The following ZFHX3 variants were observed in gnomAD, a reference collection of about 807,000 sequenced individuals.
The protein encoded by ZFHX3 is zinc finger homeobox 3.
ZFHX3 carries 42 observed loss-of-function variants against 279.1 expected under a neutral mutation model. The ratio of observed to expected loss-of-function variants is 0.15; its 90% CI spans 0.12 to 0.19. ZFHX3 has a LOEUF of 0.19. ZFHX3 is among the 10% of genes least tolerant of loss of function. The pLI is 1.00. For missense variants in ZFHX3, 4,981 were observed against 4,754.0 expected, an observed-to-expected ratio of 1.05 and a Z score of -1.40; for synonymous variants, 2,293 against 1,957.8, an observed-to-expected ratio of 1.17 and a Z score of -4.52.
intron 3 of ZFHX3, among the ~76,000 whole-genome samples, chr16:73,347,859 A>G (rs990955537): frequency 1.3e-5 from 2 of 152,244 alleles, no homozygotes; most frequent in Non-Finnish European, 2.9e-5. Context: ...TATAAAACTC[A>G]TAAGCCTTTG....
intron 4 of ZFHX3, among the ~76,000 whole-genome samples, chr16:72,887,219 G>C (rs1268276118): frequency 3.9e-5 from 6 of 152,154 alleles, no homozygotes; most frequent in African/African-American, 1.2e-4. Flanking sequence ...GAGGGGCTTA[G>C]GAGGGACGCC....
chr16:72,876,341 C>T (rs532419288), intron 4 of ZFHX3, among the ~76,000 whole-genome samples: 13 of 152,262 alleles, frequency 8.5e-5, no homozygotes, highest in African/African-American at 3.1e-4. Context: ...GTCAGAGCTT[C>T]TTCTCATTCA....
chr16:73,087,793 G>T (rs1966025709), intron 8 of ZFHX3, among the ~76,000 whole-genome samples: 1 of 151,974 alleles, frequency 6.6e-6, no homozygotes, highest in East Asian at 1.9e-4. Context: ...AAGGGACAAA[G>T]AAGTTTACAA....
At chr16:72,943,763 G>A (rs1340705953) in intron 3 of ZFHX3, among the ~76,000 whole-genome samples, 2 of 152,138 alleles carry the variant, frequency 1.3e-5, no homozygotes, top group African/African-American at 4.8e-5. Flanking sequence ...TGCATCTACT[G>A]GCATTAGGTC....
chr16:73,611,720 T>C (rs76727065), intron 2 of ZFHX3, among the ~76,000 whole-genome samples: 2,867 of 152,316 alleles, frequency 0.019, 45 homozygotes, highest in Non-Finnish European at 0.031. Flanking sequence ...CATTCTAATA[T>C]TGTATTTTGT....
At position 72,795,717 on chromosome 16, in the gene ZFHX3, C is replaced by T. The variant is rs745878919; in HGVS notation, c.6965G>A (p.Arg2322Gln). ...GCACTGGTAGTTCAAGTTGCTTGTT[C>T]GAATGTATCTATCATTTGTAAGCTC... ...RRELTNDRYIRTSNLNYQCKK... is the reference protein window; with the variant it reads ...RRELTNDRYIQTSNLNYQCKK... Residue 2322 changes from arginine to glutamine, a missense_variant, in exon 9 of 10, where the codon CGA becomes CAA. Arg to Gln is a conservative substitution (Grantham distance 43). Transcript: ENST00000268489. 18 of 1,614,024 alleles carry T rather than the reference C, an allele frequency of 1.1e-5. No homozygotes were observed. Among genetic ancestry groups the T allele is most frequent in the African/African-American group, 6.7e-5 (5 of 74,904 alleles).
At chr16:73,697,283 A>T (rs2053206437) in intron 1 of ZFHX3, among the ~76,000 whole-genome samples, 1 of 151,898 alleles carries the variant, frequency 6.6e-6, no homozygotes, top group East Asian at 1.9e-4. Context: ...GTCACGACAC[A>T]TATAAGGTGT....
intron 7 of ZFHX3, among the ~76,000 whole-genome samples, chr16:73,105,367 A>T (rs1966284750): frequency 2.8e-5 from 2 of 72,212 alleles, no homozygotes; most frequent in African/African-American, 1.1e-4. Context: ...ATATATATAC[A>T]CACATATATA....
chr16:73,294,536 C>T (rs770717040), intron 4 of ZFHX3, among the ~76,000 whole-genome samples: 3 of 152,198 alleles, frequency 2.0e-5, no homozygotes, highest in Non-Finnish European at 4.4e-5. Context: ...GGGGGCTGGG[C>T]GAGGTGGCTC....
intron 4 of ZFHX3, among the ~76,000 whole-genome samples, chr16:73,294,811 C>CA (rs113664978): frequency 0.24 from 31,285 of 132,664 alleles, 3,747 homozygotes; most frequent in African/African-American, 0.33. Flanking sequence ...GACTCCATCT[C>CA]AAAAAAAAAA....
chr16:72,915,739 T>A (rs1176260252), intron 3 of ZFHX3, among the ~76,000 whole-genome samples: 1 of 151,592 alleles, frequency 6.6e-6, no homozygotes, highest in Non-Finnish European at 1.5e-5. Flanking sequence ...CTCCAGCCTC[T>A]GTGACAGAGC....
Position 73,392,418 on chromosome 16 carries a change from CAAAAAA to C in ZFHX3, c.-1291+63579_-1291+63584del, listed in dbSNP as rs35019692. 2.4e-3 allele frequency among the ~76,000 whole-genome samples: 87 copies of C among 35,796 alleles called. 1 individual carries two copies. The highest frequency in any genetic ancestry group is 6.6e-3 in the East Asian group (8 of 1,220). 23.5% of individuals were successfully genotyped at this position (35,796 alleles called of 152,430 possible). On this transcript the variant is annotated intron_variant, in intron 3 of 17. Transcript: ENST00000641206. Reference sequence around the variant, plus strand: ...TGGGTGACAGAATGAGACCCTGTCTCAAAAAAAAAAAAAAAAAAAAAAAAAGAGTGA... The same window carrying C: ...TGGGTGACAGAATGAGACCCTGTCTCAAAAAAAAAAAAAAAAAAAGAGTGA...
chr16:73,565,426 C>G (rs1343757238), intron 2 of ZFHX3, among the ~76,000 whole-genome samples: 2 of 152,158 alleles, frequency 1.3e-5, no homozygotes, highest in African/African-American at 2.4e-5. Context: ...TAACGTAGAA[C>G]TTCTAAAACT....
intron 2 of ZFHX3, among the ~76,000 whole-genome samples, chr16:73,479,158 G>T (rs558947081): frequency 9.5e-4 from 144 of 152,232 alleles, no homozygotes; most frequent in Admixed American, 3.5e-3. Flanking sequence ...CCTTACCAAT[G>T]ACATGAGCTT....
intron 1 of ZFHX3, among the ~76,000 whole-genome samples, chr16:73,007,872 G>T (rs1963770008): frequency 6.6e-6 from 1 of 152,106 alleles, no homozygotes; most frequent in South Asian, 2.1e-4. Context: ...AAGTTACTGT[G>T]TTTTACATTA....
intron 3 of ZFHX3, among the ~76,000 whole-genome samples, chr16:73,389,593 A>G (rs182191283): frequency 1.1e-3 from 174 of 152,260 alleles, no homozygotes; most frequent in South Asian, 1.7e-3. Context: ...ATCTCTCTTG[A>G]TGGTTCCAGT....
chr16:73,119,476 C>T (rs776472780), intron 7 of ZFHX3, among the ~76,000 whole-genome samples: 40 of 152,110 alleles, frequency 2.6e-4, no homozygotes, highest in Non-Finnish European at 4.1e-4. Flanking sequence ...GGAGGGCAGG[C>T]CTTAGGATGA....
intron 5 of ZFHX3, among the ~76,000 whole-genome samples, chr16:73,240,088 T>C (rs1408404399): frequency 6.6e-6 from 1 of 152,052 alleles, no homozygotes; most frequent in East Asian, 1.9e-4. Context: ...ATTGAACTCA[T>C]GGCCAATAAC....
chr16:73,373,638 A>C (rs1271346985), intron 3 of ZFHX3, among the ~76,000 whole-genome samples: 1 of 152,260 alleles, frequency 6.6e-6, no homozygotes, highest in Non-Finnish European at 1.5e-5. Flanking sequence ...GGACAGGTGC[A>C]TGAGATTATC....
Sources: allele counts gnomAD v4.1 joint callset (sites outside exome capture counted in the v4.1 genomes callset), GRCh38; gene constraint gnomAD v4.1.1; transcripts MANE v1.5; gene names NCBI Gene and HGNC (gene_info 2026-07-23, HGNC 2026-07-21).